The following GPAT3 variants were observed in gnomAD, a reference collection of about 807,000 sequenced individuals.
GPAT3 encodes 1-AGP acyltransferase 9.
GPAT3 carries 53 observed loss-of-function variants against 58.8 expected under a neutral mutation model. That is an observed-to-expected ratio of 0.90 (90% CI 0.72 to 1.13). GPAT3 has a LOEUF of 1.13. Among genes scored for constraint, GPAT3 ranks in the 50% most tolerant of loss-of-function variants. The pLI, the probability that GPAT3 is intolerant of heterozygous loss-of-function variation, is 0.00. For missense variants in GPAT3, 511 were observed against 527.6 expected (o/e 0.97, Z 0.31); for synonymous variants, 197 against 187.4 (o/e 1.05, Z -0.42).
intron 6 of GPAT3, among the ~76,000 whole-genome samples, chr4:83,590,954 AT>A (rs1335531437): frequency 7.3e-6 from 1 of 136,766 alleles, no homozygotes; most frequent in Non-Finnish European, 1.5e-5. Context: ...GATTTCTTGC[AT>A]CTCCTTTCTG....
chr4:83,553,999 TTTATTTA>T (rs1235440846), intron 2 of GPAT3, among the ~76,000 whole-genome samples: 2 of 152,044 alleles, frequency 1.3e-5, no homozygotes, highest in Non-Finnish European at 2.9e-5. Flanking sequence ...CTTTTATTTA[TTTATTTA>T]GGGAGACAGG....
chr4:83,596,990 T>C, intron 8 of GPAT3, 77 bp downstream of exon 8: 2 of 1,353,746 alleles, frequency 1.5e-6, no homozygotes, highest in Admixed American at 1.9e-5. Flanking sequence ...AGAATTGCCA[T>C]AGAATTGGCA....
intron 2 of GPAT3, among the ~76,000 whole-genome samples, chr4:83,565,408 T>C (rs1468997354): frequency 6.6e-6 from 1 of 152,140 alleles, no homozygotes; most frequent in Non-Finnish European, 1.5e-5. Context: ...GCCTCCAGTT[T>C]ATACATTTGG....
intron 2 of GPAT3, among the ~76,000 whole-genome samples, chr4:83,578,981 TTTCTTTCCTTCC>T (rs1560620725): frequency 4.2e-4 from 56 of 134,118 alleles, no homozygotes; most frequent in African/African-American, 1.4e-3. Context: ...TCTTTCTTTC[TTTCTTTCCTTCC>T]TTCCTTCCTT....
rs573935640 is a variant in GPAT3, at chr4:83,547,378, G to A, written c.208+2776G>A. On this transcript the variant is annotated intron_variant, in intron 2 of 11. Coordinates refer to ENST00000264409, the MANE Select transcript of GPAT3 (RefSeq NM_032717.5). ...CGCCATTCTCCTGCCTCAGCCTCCC[G>A]AGTAGCTGGGACTACAGGTGCCCGC... 2.5e-3 allele frequency among the ~76,000 whole-genome samples: 368 copies of A among 148,468 alleles called. 2 individuals carry two copies. The highest frequency in any genetic ancestry group is 4.1e-3 in the Non-Finnish European group (278 of 67,384).
At chr4:83,591,680 C>T (rs1188993775) in intron 6 of GPAT3, among the ~76,000 whole-genome samples, 1 of 152,078 alleles carries the variant, frequency 6.6e-6, no homozygotes, top group Non-Finnish European at 1.5e-5. Context: ...ATGTAATAAT[C>T]CTTGTATTTA....
chr4:83,575,271 GATTGA>G (rs1725765701), intron 2 of GPAT3, among the ~76,000 whole-genome samples: 1 of 152,040 alleles, frequency 6.6e-6, no homozygotes. Flanking sequence ...CCTATATGTT[GATTGA>G]ATTGAATATT....
rs987341158 is a variant in GPAT3, at chr4:83,538,007, A to G, written c.141+1244A>G. Among the ~76,000 whole-genome samples the G allele has an allele frequency of 4.6e-5, 7 of 152,196 alleles. No homozygotes were observed. In the East Asian group the frequency reaches 1.3e-3, roughly 29 times the overall value. On this transcript the variant is annotated intron_variant, in intron 1 of 11. Coordinates refer to ENST00000264409, the MANE Select transcript of GPAT3 (RefSeq NM_032717.5). ...GCACCTTAGAAGGCTGCCTGCACCT[A>G]CTGTATGAATGCTTGTTGCTATTAA...
chr4:83,553,620 C>T (rs1047996144), intron 2 of GPAT3, among the ~76,000 whole-genome samples: 26 of 152,016 alleles, frequency 1.7e-4, no homozygotes, highest in African/African-American at 4.1e-4. Flanking sequence ...TATTTGAGGC[C>T]GGGCACGGTG....
intron 11 of GPAT3, among the ~76,000 whole-genome samples, chr4:83,601,665 G>A (rs896906106): frequency 6.6e-6 from 1 of 152,256 alleles, no homozygotes; most frequent in African/African-American, 2.4e-5. Context: ...TGAGGCCTGA[G>A]AATCCTTGAA....
intron 2 of GPAT3, among the ~76,000 whole-genome samples, chr4:83,562,242 T>TATATAATATATA (rs1560611296): frequency 2.3e-5 from 3 of 131,662 alleles, no homozygotes; most frequent in African/African-American, 8.9e-5. Flanking sequence ...ATATAATATA[T>TATATAATATATA]ATATATAAAA....
At chr4:83,585,828 C>G (rs1726355108) in intron 3 of GPAT3, among the ~76,000 whole-genome samples, 2 of 152,156 alleles carry the variant, frequency 1.3e-5, no homozygotes, top group African/African-American at 4.8e-5. Context: ...CTCAAGTGAT[C>G]CACTCGCCTG....
At chr4:83,565,479 ATTATC>A (rs1560613063) in intron 2 of GPAT3, among the ~76,000 whole-genome samples, 1 of 149,262 alleles carries the variant, frequency 6.7e-6, no homozygotes, top group Admixed American at 6.8e-5. Context: ...CTGTTATCAT[ATTATC>A]TTAATTATTG....
At chr4:83,593,885 TG>T (rs1726710456) in intron 6 of GPAT3, among the ~76,000 whole-genome samples, 1 of 152,188 alleles carries the variant, frequency 6.6e-6, no homozygotes, top group Admixed American at 6.5e-5. Context: ...TAATTTTTTT[TG>T]AATATGTAGG....
At chr4:83,547,199 G>C (rs557914800) in intron 2 of GPAT3, among the ~76,000 whole-genome samples, 3 of 151,512 alleles carry the variant, frequency 2.0e-5, no homozygotes, top group Non-Finnish European at 4.4e-5. Context: ...GAGCTGAGAG[G>C]GAGAGTTATG....
intron 2 of GPAT3, among the ~76,000 whole-genome samples, chr4:83,562,856 C>T (rs558027578): frequency 1.2e-4 from 18 of 152,110 alleles, no homozygotes; most frequent in Non-Finnish European, 2.5e-4. Flanking sequence ...TCTCCTCATT[C>T]TTCTGTCCAC....
chr4:83,540,995 C>T (rs1209450443), intron 1 of GPAT3, among the ~76,000 whole-genome samples: 1 of 152,008 alleles, frequency 6.6e-6, no homozygotes, highest in Non-Finnish European at 1.5e-5. Flanking sequence ...TGGCTTTGTC[C>T]CTGTTTTAGA....
intron 2 of GPAT3, among the ~76,000 whole-genome samples, chr4:83,579,023 T>C (rs565478240): frequency 0.15 from 3,232 of 21,652 alleles, 520 homozygotes; most frequent in Middle Eastern, 0.19. Context: ...TTTCCCTTTC[T>C]TTCTTTCTTT....
rs201126462 is a variant in GPAT3, at chr4:83,544,576, C to A, written c.182C>A (p.Ser61Ter). The change falls in exon 2 of 12, where the codon TCG (serine) becomes TAG (stop). Residue 61 changes from serine to a stop codon, truncating the protein, a stop_gained. Coordinates refer to ENST00000264409, the MANE Select transcript of GPAT3 (RefSeq NM_032717.5). LOFTEE classifies it high-confidence loss of function. ...ATTGAAAAAGGAACCCCAAAGGAGTCGATTCTTAAAAACTCTGCTTCTGTT... is the reference window on the plus strand; with the variant it reads ...ATTGAAAAAGGAACCCCAAAGGAGTAGATTCTTAAAAACTCTGCTTCTGTT... ...IRIEKGTPKE[S>*]ILKNSASVGI... 4.3e-6 allele frequency: 7 copies of A among 1,613,928 alleles called. No individual in the cohort carries two copies. In the Admixed American group the frequency reaches 1.0e-4, roughly 23 times the overall value.
Sources: gnomAD v4.1 joint callset for allele counts (sites outside exome capture counted in the v4.1 genomes callset) on GRCh38, gnomAD v4.1.1 for gene constraint, MANE v1.5 for transcripts, NCBI Gene and HGNC (gene_info 2026-07-23, HGNC 2026-07-21) for gene names.